The following CENATAC variants were observed in gnomAD, a reference collection of about 807,000 sequenced individuals.
CENATAC encodes centrosomal AT-AC splicing factor.
A neutral mutation model predicts 53.7 loss-of-function variants in CENATAC; 53 were observed. The observed-to-expected ratio is 0.99, with a 90% CI of 0.79 to 1.24. The LOEUF (loss-of-function observed/expected upper bound fraction) is 1.24. CENATAC is among the 50% of genes most tolerant of loss of function. CENATAC has a pLI of 0.00. For synonymous variants in CENATAC, 156 were observed against 144.6 expected, an observed-to-expected ratio of 1.08 and a Z score of -0.57; for missense variants, 474 against 417.8, an observed-to-expected ratio of 1.13 and a Z score of -1.17.
intron 7 of CENATAC, chr11:119,012,503 A>G (rs953015758): frequency 1.8e-5 from 7 of 397,630 alleles, no homozygotes; most frequent in African/African-American, 1.4e-4. Flanking sequence ...TTCCAACTCA[A>G]CACAGGACAT....
intron 9 of CENATAC, 100 bp from the exon 10 acceptor site, chr11:119,015,207 C>T (rs1943101199): frequency 6.8e-7 from 1 of 1,465,142 alleles, no homozygotes; most frequent in Non-Finnish European, 9.3e-7. Flanking sequence ...GGGAGGGTCA[C>T]TTGAGCCCAG....
At chr11:119,013,462 A>ATTT (rs34471457) in intron 8 of CENATAC, among the ~76,000 whole-genome samples, 200 bp downstream of exon 8, 1 of 126,618 alleles carries the variant, frequency 7.9e-6, no homozygotes. Flanking sequence ...CACCCAGCTA[A>ATTT]TTTTTTTTTT....
intron 4 of CENATAC, 36 bp from the exon 5 acceptor site, chr11:119,011,185 G>C (rs371463063): frequency 2.5e-6 from 4 of 1,590,974 alleles, no homozygotes; most frequent in African/African-American, 1.3e-5. Context: ...TGGCCCCCAT[G>C]ATCCTGTACC....
chr11:119,011,453 A>G (rs1255301467), intron 5 of CENATAC, 170 bp downstream of exon 5: 6 of 558,106 alleles, frequency 1.1e-5, no homozygotes, highest in South Asian at 2.0e-5. Flanking sequence ...GGCTCACTGC[A>G]ACCTCCACCT....
chr11:119,013,142 A>G (rs1467746147), intron 7 of CENATAC, 90 bp from the exon 8 acceptor site: 4 of 973,614 alleles, frequency 4.1e-6, no homozygotes, highest in Non-Finnish European at 6.4e-6. Flanking sequence ...CACCTCTTTT[A>G]AAGTGTGCTT....
At chr11:119,014,800 TTTTAA>T (rs904453367) in intron 8 of CENATAC, 189 bp from the exon 9 acceptor site, 61 of 431,896 alleles carry the variant, frequency 1.4e-4, no homozygotes, top group African/African-American at 1.2e-3. Context: ...CTCAAAGCCA[TTTTAA>T]AATGACTGTC....
At chr11:119,012,103 T>C in intron 6 of CENATAC, 46 bp from the exon 7 acceptor site, 13 of 1,614,010 alleles carry the variant, frequency 8.1e-6, no homozygotes, top group Non-Finnish European at 1.1e-5. Flanking sequence ...TTTACCACCC[T>C]CATGGCTCAA....
At chr11:119,009,228 A>G (rs958579381) in intron 3 of CENATAC, among the ~76,000 whole-genome samples, 10 of 152,066 alleles carry the variant, frequency 6.6e-5, no homozygotes, top group African/African-American at 2.4e-4. Context: ...TCCGAGGTTC[A>G]AGCAATTCTC....
At chr11:119,010,657 T>C in intron 3 of CENATAC, 107 bp from the exon 4 acceptor site, 1 of 979,986 alleles carries the variant, frequency 1.0e-6, no homozygotes, top group East Asian at 2.4e-5. Flanking sequence ...TACTGTTTTG[T>C]TTCTGAATTT....
At chr11:119,007,965 T>C (rs1942684858) in intron 3 of CENATAC, among the ~76,000 whole-genome samples, 1 of 152,216 alleles carries the variant, frequency 6.6e-6, no homozygotes, top group Non-Finnish European at 1.5e-5. Context: ...CCTTGTTTCA[T>C]ACACCAAAAA....
At chr11:119,003,372 C>G in intron 3 of CENATAC, 1 of 530,244 alleles carries the variant, frequency 1.9e-6, no homozygotes. Flanking sequence ...CCTTTCAACA[C>G]TGCCTTCTTG....
chr11:119,001,703 G>A, intron 3 of CENATAC: 1 of 455,146 alleles, frequency 2.2e-6, no homozygotes, highest in South Asian at 1.6e-5. Flanking sequence ...CTTGTGCTGT[G>A]CAAGAGTCAA....
At chr11:118,998,713 C>T in intron 2 of CENATAC, 120 bp downstream of exon 2, 1 of 1,306,264 alleles carries the variant, frequency 7.7e-7, no homozygotes, top group African/African-American at 1.5e-5. Context: ...GATTGAGTCA[C>T]TTCACAGGTT....
intron 3 of CENATAC, among the ~76,000 whole-genome samples, chr11:119,008,840 G>A (rs914519464): frequency 6.6e-6 from 1 of 152,116 alleles, no homozygotes; most frequent in Non-Finnish European, 1.5e-5. Context: ...ATTGAGACTA[G>A]AGAATGGCAA....
chr11:118,999,539 A>G (rs543275364), intron 3 of CENATAC, among the ~76,000 whole-genome samples: 1 of 152,292 alleles, frequency 6.6e-6, no homozygotes, highest in East Asian at 1.9e-4. Flanking sequence ...GCCCACTGCA[A>G]TTTCAGCCTC....
chr11:119,002,833 T>C (rs1942379095), intron 3 of CENATAC, among the ~76,000 whole-genome samples: 1 of 152,142 alleles, frequency 6.6e-6, no homozygotes. Flanking sequence ...TTGTCCAGGC[T>C]GGAGGGCAGC....
chr11:118,999,931 C>A (rs531091444), intron 3 of CENATAC, among the ~76,000 whole-genome samples: 2 of 152,176 alleles, frequency 1.3e-5, no homozygotes, highest in Non-Finnish European at 1.5e-5. Flanking sequence ...CGTGAGCCAC[C>A]GCGCCCGGCC....
In CENATAC at chr11:119,015,675, A is replaced by G. The variant is rs1592087678; in HGVS notation, c.*77A>G. 1.4e-6 allele frequency: 2 copies of G among 1,458,926 alleles called. No individual in the cohort carries two copies. The highest frequency in any genetic ancestry group is 1.4e-5 in the African/African-American group (1 of 71,426). 90.4% of individuals were successfully genotyped at this position (1,458,926 alleles called of 1,614,324 possible). On this transcript the variant is annotated 3_prime_UTR_variant, in exon 11 of 11. Transcript: ENST00000334418. Reference sequence around the variant, plus strand: ...TATTATACCTTCCACCAAATTCTTTATCATTGTCTTTCTTAGGAAACAGAC... The same window carrying G: ...TATTATACCTTCCACCAAATTCTTTGTCATTGTCTTTCTTAGGAAACAGAC...
intron 7 of CENATAC, 119 bp from the exon 8 acceptor site, chr11:119,013,113 T>C (rs1284696669): frequency 8.5e-6 from 6 of 704,506 alleles, no homozygotes; most frequent in African/African-American, 5.6e-5. Flanking sequence ...AGAATTAGCA[T>C]TGTGGCAGCA....
Sources: allele counts gnomAD v4.1 joint callset (sites outside exome capture counted in the v4.1 genomes callset), GRCh38; gene constraint gnomAD v4.1.1; transcripts MANE v1.5; gene names NCBI Gene and HGNC (gene_info 2026-07-23, HGNC 2026-07-21).